GPR176: variants seen among roughly 807,000 people sequenced by gnomAD.
GPR176 encodes the protein G protein-coupled receptor 176.
In GPR176, 26 loss-of-function variants were observed where a neutral mutation model predicts 35.4. The observed-to-expected ratio is 0.74, with a 90% confidence interval of 0.54 to 1.02. The LOEUF is 1.02. GPR176 is among the 50% of genes least tolerant of loss of function. GPR176 has a pLI of 0.00. For synonymous variants in GPR176, 278 were observed against 271.3 expected (o/e 1.02, Z -0.24); for missense variants, 597 against 665.3 (o/e 0.90, Z 1.13).
At chr15:39,805,347 T>C (rs1394022203) in intron 2 of GPR176, among the ~76,000 whole-genome samples, 3 of 152,060 alleles carry the variant, frequency 2.0e-5, no homozygotes, top group South Asian at 2.1e-4. Context: ...GCGTGGCAAA[T>C]TGGCATCTCA....
chr15:39,905,650 CACA>C (rs904530578), intron 1 of GPR176, among the ~76,000 whole-genome samples: 5 of 152,066 alleles, frequency 3.3e-5, no homozygotes, highest in African/African-American at 1.2e-4. Flanking sequence ...TGTTGACAAA[CACA>C]ACAATTTGGA....
At chr15:39,857,749 A>G (rs1006050022) in intron 1 of GPR176, among the ~76,000 whole-genome samples, 1 of 152,062 alleles carries the variant, frequency 6.6e-6, no homozygotes, top group Non-Finnish European at 1.5e-5. Flanking sequence ...CGGGCGGATC[A>G]CAAGGTCAGG....
intron 2 of GPR176, among the ~76,000 whole-genome samples, chr15:39,805,412 A>G (rs562596723): frequency 2.0e-5 from 3 of 149,126 alleles, no homozygotes; most frequent in South Asian, 4.3e-4. Context: ...ATACTTTTTG[A>G]AAAAAAAAAA....
At chr15:39,917,380 G>A (rs2033754122) in intron 1 of GPR176, among the ~76,000 whole-genome samples, 1 of 148,422 alleles carries the variant, frequency 6.7e-6, no homozygotes, top group East Asian at 2.0e-4. Context: ...CTGTTGCCCA[G>A]GCTGGAGTGC....
At chr15:39,840,932 G>A (rs1490580781) in intron 1 of GPR176, among the ~76,000 whole-genome samples, 1 of 152,068 alleles carries the variant, frequency 6.6e-6, no homozygotes, top group Admixed American at 6.6e-5. Flanking sequence ...GCCCCCTGAG[G>A]AAACAGAAAA....
intron 1 of GPR176, among the ~76,000 whole-genome samples, chr15:39,884,793 T>G (rs1005702441): frequency 6.6e-6 from 1 of 152,132 alleles, no homozygotes. Context: ...CCAGTAAACT[T>G]CCACTCACAA....
rs147464787 is a variant in GPR176, at chr15:39,891,032, A to T, written c.172+28823T>A. On this transcript the variant is annotated intron_variant, in intron 1 of 2. Transcript: ENST00000561100. ...AAGAATAGATGAGCAAAACCTCTTAAATCTTTTTAGCTATGTAACAATGAT... is the reference window on the plus strand; with the variant it reads ...AAGAATAGATGAGCAAAACCTCTTATATCTTTTTAGCTATGTAACAATGAT... 2.0e-3 allele frequency among the ~76,000 whole-genome samples: 300 copies of T among 152,320 alleles called. 1 individual carries two copies. The highest frequency in any genetic ancestry group is 6.6e-3 in the African/African-American group (276 of 41,568).
chr15:39,880,564 A>G (rs1431620915), intron 1 of GPR176, among the ~76,000 whole-genome samples: 1 of 152,188 alleles, frequency 6.6e-6, no homozygotes, highest in African/African-American at 2.4e-5. Flanking sequence ...GGTGCCTCAA[A>G]GTCAATTTGT....
intron 1 of GPR176, among the ~76,000 whole-genome samples, chr15:39,899,900 T>C (rs555092633): frequency 1.3e-5 from 2 of 152,298 alleles, no homozygotes; most frequent in Admixed American, 1.3e-4. Flanking sequence ...TAAATTAAAA[T>C]CATCCTAGAT....
chr15:39,894,242 C>A (rs868574720), intron 1 of GPR176, among the ~76,000 whole-genome samples: 1 of 110,674 alleles, frequency 9.0e-6, no homozygotes, highest in African/African-American at 3.1e-5. Flanking sequence ...CCGGACGGGG[C>A]GGCTGGCCGG....
At chr15:39,875,411 A>C (rs759455214) in intron 1 of GPR176, among the ~76,000 whole-genome samples, 4 of 152,228 alleles carry the variant, frequency 2.6e-5, no homozygotes, top group Admixed American at 2.0e-4. Flanking sequence ...TCTTTGCAGA[A>C]TCCATGCTAG....
chr15:39,905,609 A>G (rs1209395135), intron 1 of GPR176, among the ~76,000 whole-genome samples: 2 of 152,216 alleles, frequency 1.3e-5, no homozygotes, highest in African/African-American at 4.8e-5. Context: ...ATAAAGTCAT[A>G]TAAATGGAAT....
intron 1 of GPR176, among the ~76,000 whole-genome samples, chr15:39,845,511 A>G (rs1332775508): frequency 6.6e-6 from 1 of 151,430 alleles, no homozygotes; most frequent in Non-Finnish European, 1.5e-5. Context: ...TGTCCACTGG[A>G]ACCCCCTTTA....
intron 1 of GPR176, among the ~76,000 whole-genome samples, chr15:39,884,903 TC>T (rs2032615388): frequency 6.6e-6 from 1 of 152,014 alleles, no homozygotes; most frequent in East Asian, 1.9e-4. Flanking sequence ...AAAACCGGGG[TC>T]CTTTAAATAA....
At chr15:39,874,801 T>TG (rs1269103780) in intron 1 of GPR176, among the ~76,000 whole-genome samples, 3 of 152,140 alleles carry the variant, frequency 2.0e-5, no homozygotes, top group Non-Finnish European at 4.4e-5. Context: ...CCCAGCACTT[T>TG]GGGGGGCCAA....
intron 1 of GPR176, among the ~76,000 whole-genome samples, chr15:39,859,993 C>CAA (rs10712342): frequency 2.0e-5 from 3 of 146,652 alleles, no homozygotes; most frequent in African/African-American, 7.5e-5. Flanking sequence ...AGGCTTAAAT[C>CAA]AAAAAAAAAA....
At chr15:39,829,846 C>G (rs1442055259) in intron 1 of GPR176, among the ~76,000 whole-genome samples, 1 of 152,106 alleles carries the variant, frequency 6.6e-6, no homozygotes, top group Non-Finnish European at 1.5e-5. Flanking sequence ...GTTCTACTAC[C>G]TAAAGCTGCG....
chr15:39,834,952 G>A (rs940321599), intron 1 of GPR176, among the ~76,000 whole-genome samples: 4 of 152,114 alleles, frequency 2.6e-5, no homozygotes, highest in African/African-American at 7.2e-5. Flanking sequence ...AAAGGATACC[G>A]GCTTGAGGTA....
At chr15:39,908,426 T>G (rs2033482269) in intron 1 of GPR176, among the ~76,000 whole-genome samples, 3 of 152,296 alleles carry the variant, frequency 2.0e-5, no homozygotes, top group Non-Finnish European at 4.4e-5. Flanking sequence ...TTCATGCAAA[T>G]GTAGGATATG....
Sources: gnomAD v4.1 joint callset for allele counts (sites outside exome capture counted in the v4.1 genomes callset) on GRCh38, gnomAD v4.1.1 for gene constraint, MANE v1.5 for transcripts, NCBI Gene and HGNC (gene_info 2026-07-23, HGNC 2026-07-21) for gene names.